Variants in PTPRD observed in about 807,000 individuals in gnomAD.
The protein encoded by PTPRD is protein tyrosine phosphatase receptor type D, also known as receptor-type tyrosine-protein phosphatase delta.
A neutral mutation model predicts 214.5 loss-of-function variants in PTPRD; 34 were observed. That is an observed-to-expected ratio of 0.16 (90% confidence interval 0.12 to 0.21). PTPRD has a LOEUF of 0.21. PTPRD is among the 10% of genes least tolerant of loss of function. PTPRD has a pLI of 1.00. For synonymous variants in PTPRD, 1,128 were observed against 845.7 expected (o/e 1.33, Z -5.79); for missense variants, 2,545 against 2,398.7 (o/e 1.06, Z -1.27).
At position 9,595,632 on chromosome 9, in the gene PTPRD, T is replaced by C. The variant is rs370822363; in HGVS notation, c.-286-20851A>G. On this transcript the variant is annotated intron_variant, in intron 7 of 45. Transcript: ENST00000381196. ...TCAGCCATTAAAAGGAATGAATTAA[T>C]GGCCTTTGCCGCAACCTCAATGAGA... is the stretch of plus-strand genomic sequence containing the variant. Among the ~76,000 whole-genome samples the C allele has an allele frequency of 7.9e-4, 120 of 151,976 alleles. 1 individual carries two copies. The highest frequency in any genetic ancestry group is 2.8e-3 in the African/African-American group (118 of 41,496).
intron 11 of PTPRD, among the ~76,000 whole-genome samples, chr9:8,762,768 G>A (rs1022804724): frequency 2.0e-5 from 3 of 152,132 alleles, no homozygotes; most frequent in Non-Finnish European, 4.4e-5. Flanking sequence ...CTCTCTTTAT[G>A]GCAGGGAGAA....
chr9:9,545,708 C>T (rs762819286), intron 8 of PTPRD, among the ~76,000 whole-genome samples: 5 of 151,720 alleles, frequency 3.3e-5, no homozygotes, highest in Admixed American at 2.0e-4. Context: ...GTCTTGATTA[C>T]TGTAGGTGTA....
At chr9:8,329,998 A>G (rs1046130234) in intron 44 of PTPRD, among the ~76,000 whole-genome samples, 1 of 151,430 alleles carries the variant, frequency 6.6e-6, no homozygotes, top group Non-Finnish European at 1.5e-5. Context: ...GGTGGGACAC[A>G]CCAAGCCAGG....
intron 26 of PTPRD, among the ~76,000 whole-genome samples, chr9:8,495,756 T>C (rs7025468): frequency 0.23 from 34,518 of 152,090 alleles, 3,932 homozygotes; most frequent in East Asian, 0.29. Context: ...AAGTTTACGG[T>C]CAAAAATGCT....
chr9:10,095,270 A>G (rs1028847701), intron 3 of PTPRD, among the ~76,000 whole-genome samples: 2 of 151,454 alleles, frequency 1.3e-5, no homozygotes, highest in African/African-American at 4.8e-5. Flanking sequence ...TATAAATAAG[A>G]TAAAAGTACC....
At chr9:9,983,859 C>T (rs1339708781) in intron 4 of PTPRD, among the ~76,000 whole-genome samples, 9 of 152,090 alleles carry the variant, frequency 5.9e-5, no homozygotes, top group Admixed American at 5.9e-4. Context: ...AGGGTAATGA[C>T]ACAGGTAGCA....
Position 8,492,993 on chromosome 9 carries a change from A to C in PTPRD, c.2350-14T>G, listed in dbSNP as rs746180706. On this transcript the variant is annotated splice_polypyrimidine_tract_variant and intron_variant, in intron 26 of 45. Transcript: ENST00000381196. ...AATGATCATGTCCTGAAATGACAAA[A>C]TAGAATGTCACTGATTCAAAACATG... 6.3e-7 allele frequency: 1 copy of C among 1,592,988 alleles called. No homozygotes were observed. Among genetic ancestry groups the C allele is most frequent in the South Asian group, 1.1e-5 (1 of 90,422 alleles).
intron 9 of PTPRD, among the ~76,000 whole-genome samples, chr9:9,265,653 G>A (rs1007022723): frequency 6.0e-5 from 9 of 151,180 alleles, no homozygotes; most frequent in South Asian, 4.2e-4. Context: ...GAAATAGATC[G>A]GTCTAATCCT....
chr9:8,696,283 G>C (rs2097909752), intron 12 of PTPRD, among the ~76,000 whole-genome samples: 1 of 152,186 alleles, frequency 6.6e-6, no homozygotes, highest in Non-Finnish European at 1.5e-5. Flanking sequence ...CCCTTATCTT[G>C]CAGATGAAGG....
chr9:8,435,498 C>T (rs977677814), intron 35 of PTPRD, among the ~76,000 whole-genome samples: 2 of 152,090 alleles, frequency 1.3e-5, no homozygotes, highest in Non-Finnish European at 2.9e-5. Context: ...CCCAGGTACC[C>T]AATAACCTTT....
intron 12 of PTPRD, among the ~76,000 whole-genome samples, chr9:8,709,589 CAA>C (rs202072594): frequency 0.027 from 3,937 of 147,598 alleles, 77 homozygotes; most frequent in Middle Eastern, 0.094. Flanking sequence ...GTTCTCATAA[CAA>C]AAATTATAAT....
At chr9:8,921,874 A>T (rs2098830352) in intron 11 of PTPRD, among the ~76,000 whole-genome samples, 1 of 152,168 alleles carries the variant, frequency 6.6e-6, no homozygotes, top group Non-Finnish European at 1.5e-5. Context: ...TGGTAAATTT[A>T]AATAAACAGT....
intron 5 of PTPRD, among the ~76,000 whole-genome samples, chr9:9,823,581 A>G (rs911533754): frequency 1.3e-5 from 2 of 152,144 alleles, no homozygotes; most frequent in African/African-American, 4.8e-5. Context: ...ATTTGAAACA[A>G]CATGAATGGA....
chr9:9,004,382 A>G (rs758282752), intron 11 of PTPRD, among the ~76,000 whole-genome samples: 2 of 151,980 alleles, frequency 1.3e-5, no homozygotes, highest in Non-Finnish European at 2.9e-5. Flanking sequence ...TCTCAACACA[A>G]TTATTTTTGG....
At chr9:9,569,234 A>G (rs1446324378) in intron 8 of PTPRD, among the ~76,000 whole-genome samples, 1 of 151,784 alleles carries the variant, frequency 6.6e-6, no homozygotes, top group Non-Finnish European at 1.5e-5. Context: ...TAATGAAATT[A>G]AAACCATTGA....
intron 3 of PTPRD, among the ~76,000 whole-genome samples, chr9:10,092,205 C>T (rs2098439036): frequency 6.6e-6 from 1 of 151,498 alleles, no homozygotes; most frequent in Non-Finnish European, 1.5e-5. Context: ...CACTAGCTTG[C>T]TGTGTGTCAA....
chr9:9,964,966 T>G (rs1382690698), intron 4 of PTPRD, among the ~76,000 whole-genome samples: 2 of 152,132 alleles, frequency 1.3e-5, no homozygotes, highest in African/African-American at 2.4e-5. Context: ...TAAAATATGT[T>G]CATGCAAAAA....
intron 2 of PTPRD, among the ~76,000 whole-genome samples, chr9:10,386,666 AAAC>A (rs1282706441): frequency 2.4e-4 from 37 of 151,794 alleles, no homozygotes; most frequent in Middle Eastern, 3.4e-3. Context: ...CAAAAAAACA[AAAC>A]AAAACAAAAC....
chr9:9,294,466 C>A (rs1471260771), intron 9 of PTPRD, among the ~76,000 whole-genome samples: 1 of 151,452 alleles, frequency 6.6e-6, no homozygotes, highest in Non-Finnish European at 1.5e-5. Flanking sequence ...CCTCTGACAC[C>A]CTGTAGGGAT....
Sources: gnomAD v4.1 joint callset for allele counts (sites outside exome capture counted in the v4.1 genomes callset) on GRCh38, gnomAD v4.1.1 for gene constraint, MANE v1.5 for transcripts, NCBI Gene and HGNC (gene_info 2026-07-23, HGNC 2026-07-21) for gene names.